Variants in ABHD17C observed in about 807,000 individuals in gnomAD.
ABHD17C encodes the protein abhydrolase domain containing 17C, depalmitoylase.
ABHD17C carries 11 observed loss-of-function variants against 27.9 expected under a neutral mutation model. The ratio of observed to expected loss-of-function variants is 0.39; its 90% CI spans 0.25 to 0.65. ABHD17C has a LOEUF of 0.65. ABHD17C is among the 30% of genes least tolerant of loss of function. The pLI, the probability that ABHD17C is intolerant of heterozygous loss-of-function variation, is 0.45. For missense variants in ABHD17C, 280 were observed against 470.2 expected (o/e 0.60, Z 3.74); for synonymous variants, 233 against 209.1 (o/e 1.11, Z -0.98).
At chr15:80,718,110 G>T (rs1175160607) in intron 1 of ABHD17C, among the ~76,000 whole-genome samples, 2 of 152,156 alleles carry the variant, frequency 1.3e-5, no homozygotes, top group African/African-American at 2.4e-5. Context: ...TAGATTAGGA[G>T]CATAGGATTG....
At chr15:80,728,898 A>T (rs1410840451) in intron 1 of ABHD17C, among the ~76,000 whole-genome samples, 1 of 152,234 alleles carries the variant, frequency 6.6e-6, no homozygotes, top group Non-Finnish European at 1.5e-5. Context: ...GGAATGAGCC[A>T]CCACGCCCGG....
chr15:80,720,935 A>T (rs12591194), intron 1 of ABHD17C, among the ~76,000 whole-genome samples: 28,030 of 151,688 alleles, frequency 0.18, 3,219 homozygotes, highest in Middle Eastern at 0.28. Context: ...AAAAAAAAAA[A>T]ATATTAATTT....
chr15:80,749,718 GGTA>G, intron 2 of ABHD17C, 26 bp downstream of exon 2: 1 of 1,604,112 alleles, frequency 6.2e-7, no homozygotes, highest in Non-Finnish European at 8.5e-7. Flanking sequence ...TCCAACAAGT[GGTA>G]AGTCAGCCAA....
At chr15:80,720,177 C>T (rs1222382891) in intron 1 of ABHD17C, among the ~76,000 whole-genome samples, 1 of 152,082 alleles carries the variant, frequency 6.6e-6, no homozygotes, top group East Asian at 1.9e-4. Context: ...CTTTGTTACA[C>T]TGTCTTTTGC....
chr15:80,740,297 C>T (rs936960404), intron 1 of ABHD17C, among the ~76,000 whole-genome samples: 1 of 152,098 alleles, frequency 6.6e-6, no homozygotes, highest in African/African-American at 2.4e-5. Flanking sequence ...AAACACATGT[C>T]CCAAGAGTTT....
intron 1 of ABHD17C, among the ~76,000 whole-genome samples, chr15:80,719,054 C>T (rs1894850594): frequency 6.6e-6 from 1 of 152,076 alleles, no homozygotes; most frequent in Non-Finnish European, 1.5e-5. Context: ...TAGGATATAC[C>T]AGCCTTCCAG....
chr15:80,711,844 C>G (rs1894732528), intron 1 of ABHD17C, among the ~76,000 whole-genome samples: 1 of 152,194 alleles, frequency 6.6e-6, no homozygotes, highest in African/African-American at 2.4e-5. Flanking sequence ...ACACACCAAA[C>G]AATTGGAGTC....
intron 1 of ABHD17C, among the ~76,000 whole-genome samples, chr15:80,737,389 G>T (rs1895145725): frequency 6.6e-6 from 1 of 152,112 alleles, no homozygotes; most frequent in Non-Finnish European, 1.5e-5. Context: ...AACTTCGAAT[G>T]GATTATATGT....
At chr15:80,733,161 C>G (rs1377281337) in intron 1 of ABHD17C, among the ~76,000 whole-genome samples, 1 of 152,178 alleles carries the variant, frequency 6.6e-6, no homozygotes, top group Non-Finnish European at 1.5e-5. Flanking sequence ...ACTCTTCTTT[C>G]TATGTCCTCT....
chr15:80,716,301 A>C (rs1311724542), intron 1 of ABHD17C, among the ~76,000 whole-genome samples: 1 of 152,206 alleles, frequency 6.6e-6, no homozygotes, highest in Non-Finnish European at 1.5e-5. Flanking sequence ...GGCAGTTCTC[A>C]GTAAAGGCTC....
At chr15:80,716,097 G>C (rs1002580932) in intron 1 of ABHD17C, among the ~76,000 whole-genome samples, 1 of 152,188 alleles carries the variant, frequency 6.6e-6, no homozygotes, top group African/African-American at 2.4e-5. Context: ...TAGACAGGGA[G>C]TCAAAATCTT....
intron 1 of ABHD17C, among the ~76,000 whole-genome samples, chr15:80,699,742 T>C (rs1894545641): frequency 6.6e-6 from 1 of 152,066 alleles, no homozygotes; most frequent in Non-Finnish European, 1.5e-5. Flanking sequence ...AGGAAGTAGA[T>C]TTGGTAAGAA....
At chr15:80,711,685 A>G (rs992908751) in intron 1 of ABHD17C, among the ~76,000 whole-genome samples, 1 of 152,030 alleles carries the variant, frequency 6.6e-6, no homozygotes, top group African/African-American at 2.4e-5. Flanking sequence ...CTGCCTGTCT[A>G]TTTTCCTGTA....
In ABHD17C at chr15:80,754,355, A is replaced by G. The variant is rs1210840255; in HGVS notation, c.975A>G (p.Glu325=). ...LERLKQFISH[E]LPNS is the part of the protein sequence containing the mutation. ...GACTAAAACAGTTCATATCTCACGA[A>G]CTTCCTAATTCCTGAAGACAACAAC... is the stretch of plus-strand genomic sequence containing the variant. The change falls in exon 3 of 3, where the codon GAA becomes GAG. Residue 325 remains glutamate, a synonymous_variant. Transcript: ENST00000258884. 6.2e-7 allele frequency: 1 copy of G among 1,612,914 alleles called. No individual in the cohort carries two copies. Among genetic ancestry groups the G allele is most frequent in the Non-Finnish European group, 8.5e-7 (1 of 1,179,372 alleles).
chr15:80,752,238 A>G (rs1357090884), intron 2 of ABHD17C, among the ~76,000 whole-genome samples: 1 of 152,244 alleles, frequency 6.6e-6, no homozygotes, highest in African/African-American at 2.4e-5. Context: ...AAAATTAAAT[A>G]TAGGGGGAAA....
chr15:80,749,498 C>T lies in ABHD17C; in HGVS notation c.591-15C>T, dbSNP rs780538074. The T allele has an allele frequency of 1.2e-6, 2 of 1,612,040 alleles. No homozygotes were observed. Among genetic ancestry groups the T allele is most frequent in the Admixed American group, 3.3e-5 (2 of 59,936 alleles). On this transcript the variant is annotated splice_polypyrimidine_tract_variant and intron_variant, in intron 1 of 2. Transcript: ENST00000258884. Reference sequence around the variant, plus strand: ...CATACCTTAGCTAATGGCATACAACCTCTGATTTCTCCAGGTATGGCGTGA... The same window carrying T: ...CATACCTTAGCTAATGGCATACAACTTCTGATTTCTCCAGGTATGGCGTGA...
intron 1 of ABHD17C, among the ~76,000 whole-genome samples, chr15:80,709,052 A>T (rs1207999531): frequency 6.6e-6 from 1 of 152,140 alleles, no homozygotes. Context: ...CCTTTGCTGA[A>T]TCTCCTTTGC....
chr15:80,748,326 G>T (rs1282343816), intron 1 of ABHD17C, among the ~76,000 whole-genome samples: 34 of 152,312 alleles, frequency 2.2e-4, no homozygotes, highest in Non-Finnish European at 1.5e-5. Flanking sequence ...AGAATTGTTG[G>T]CTCACGGGCT....
intron 2 of ABHD17C, among the ~76,000 whole-genome samples, chr15:80,753,312 A>T (rs202038643): frequency 6.6e-6 from 1 of 152,202 alleles, no homozygotes; most frequent in East Asian, 1.9e-4. Context: ...AACAAACACA[A>T]CAGCCAATTG....
Sources: gnomAD v4.1 joint callset for allele counts (sites outside exome capture counted in the v4.1 genomes callset) on GRCh38, gnomAD v4.1.1 for gene constraint, MANE v1.5 for transcripts, NCBI Gene and HGNC (gene_info 2026-07-23, HGNC 2026-07-21) for gene names.